TMEM132D: variants seen among roughly 807,000 people sequenced by gnomAD.
TMEM132D encodes mature OL transmembrane protein.
A neutral mutation model predicts 62.3 loss-of-function variants in TMEM132D; 21 were observed. The ratio of observed to expected loss-of-function variants is 0.34; its 90% CI spans 0.24 to 0.49. The LOEUF is 0.49. Ranked by LOEUF, TMEM132D falls within the 20% of genes least tolerant of loss-of-function variation. The probability of loss-of-function intolerance (pLI) is 0.99; values close to 1 mark genes in which losing one functional copy is unlikely to be tolerated. For missense variants in TMEM132D, 1,346 were observed against 1,402.8 expected (o/e 0.96, Z 0.65); for synonymous variants, 621 against 575.6 (o/e 1.08, Z -1.13).
chr12:129,469,695 T>C (rs1200383667), intron 3 of TMEM132D, among the ~76,000 whole-genome samples: 4 of 152,208 alleles, frequency 2.6e-5, no homozygotes, highest in Non-Finnish European at 5.9e-5. Context: ...CTCCCTCTTT[T>C]ATAAGGGAAA....
intron 2 of TMEM132D, among the ~76,000 whole-genome samples, chr12:129,531,959 G>A (rs1195772101): frequency 1.3e-5 from 2 of 152,152 alleles, no homozygotes; most frequent in Admixed American, 1.3e-4. Context: ...GGGAGGCTGA[G>A]GTGGGAGGAT....
intron 1 of TMEM132D, among the ~76,000 whole-genome samples, chr12:129,899,304 C>G (rs11613692): frequency 0.062 from 7,698 of 124,152 alleles, 304 homozygotes; most frequent in Middle Eastern, 0.18. Flanking sequence ...TGGATGCATG[C>G]ATGGATGGAT....
rs145788535 is a variant in TMEM132D at position 129,131,530 on chromosome 12, G to A, written c.1444-46828C>T. 3.0e-3 allele frequency among the ~76,000 whole-genome samples: 460 copies of A among 152,136 alleles called. 2 individuals are homozygous for A. The highest frequency in any genetic ancestry group is 3.0e-3 in the Non-Finnish European group (201 of 67,968). ...GCTGAGGCAGGAGAATCGCTTGAACGCAGGAGGTGGAGGTTGCAGTGAGCC... is the reference window on the plus strand; with the variant it reads ...GCTGAGGCAGGAGAATCGCTTGAACACAGGAGGTGGAGGTTGCAGTGAGCC... On this transcript the variant is annotated intron_variant, in intron 5 of 8. Coordinates refer to ENST00000422113, the MANE Select transcript of TMEM132D (RefSeq NM_133448.3).
At chr12:129,599,151 G>C (rs1429909971) in intron 2 of TMEM132D, among the ~76,000 whole-genome samples, 1 of 152,160 alleles carries the variant, frequency 6.6e-6, no homozygotes, top group African/African-American at 2.4e-5. Flanking sequence ...ATAATTTATG[G>C]CTGTGGCTCT....
chr12:129,078,447 G>A (rs1874348335), intron 8 of TMEM132D, 87 bp downstream of exon 8: 1 of 1,371,816 alleles, frequency 7.3e-7, no homozygotes, highest in African/African-American at 1.4e-5. Context: ...ACTCTATTGT[G>A]CGACCCGCCT....
At chr12:129,405,228 G>A (rs2135702498) in intron 3 of TMEM132D, among the ~76,000 whole-genome samples, 1 of 151,996 alleles carries the variant, frequency 6.6e-6, no homozygotes, top group Admixed American at 6.5e-5. Context: ...CTCTCTTACT[G>A]GCCTGCGGAC....
intron 5 of TMEM132D, among the ~76,000 whole-genome samples, chr12:129,149,044 G>A (rs1876997653): frequency 6.6e-6 from 1 of 151,796 alleles, no homozygotes; most frequent in African/African-American, 2.4e-5. Flanking sequence ...ATACTATGCA[G>A]CCATAAGAAA....
intron 5 of TMEM132D, among the ~76,000 whole-genome samples, chr12:129,171,738 C>A (rs755092223): frequency 9.8e-5 from 15 of 152,294 alleles, no homozygotes; most frequent in Non-Finnish European, 1.9e-4. Flanking sequence ...TGAAAGAAAT[C>A]TTTTCTTCTG....
chr12:129,609,227 G>A (rs192304407), intron 2 of TMEM132D, among the ~76,000 whole-genome samples: 6 of 152,244 alleles, frequency 3.9e-5, no homozygotes, highest in African/African-American at 1.4e-4. Context: ...TTACAGGAGT[G>A]AGCCACCATG....
intron 3 of TMEM132D, among the ~76,000 whole-genome samples, chr12:129,474,772 G>A (rs1874210801): frequency 6.6e-6 from 1 of 152,142 alleles, no homozygotes; most frequent in Non-Finnish European, 1.5e-5. Flanking sequence ...CACTCATCTT[G>A]TCCAATTCTG....
intron 2 of TMEM132D, among the ~76,000 whole-genome samples, chr12:129,665,758 T>G (rs191490922): frequency 6.6e-6 from 1 of 152,310 alleles, no homozygotes; most frequent in Admixed American, 6.5e-5. Flanking sequence ...AACATGTATT[T>G]TATATACAGT....
intron 3 of TMEM132D, among the ~76,000 whole-genome samples, chr12:129,357,628 CA>C (rs961962877): frequency 6.6e-6 from 1 of 151,488 alleles, no homozygotes; most frequent in African/African-American, 2.4e-5. Flanking sequence ...AGTGAAGTGG[CA>C]AGGAGTTTGT....
chr12:129,473,863 T>C (rs768364203), intron 3 of TMEM132D, among the ~76,000 whole-genome samples: 48 of 152,226 alleles, frequency 3.2e-4, no homozygotes, highest in Admixed American at 1.3e-3. Flanking sequence ...AAACACCTGG[T>C]ACATAGTAGA....
chr12:129,450,066 T>C (rs1873226787), intron 3 of TMEM132D, among the ~76,000 whole-genome samples: 1 of 152,216 alleles, frequency 6.6e-6, no homozygotes, highest in African/African-American at 2.4e-5. Flanking sequence ...TGCACGGGTT[T>C]TTTTCTCGTA....
chr12:129,297,007 G>A (rs1881595673), intron 4 of TMEM132D, among the ~76,000 whole-genome samples: 1 of 152,174 alleles, frequency 6.6e-6, no homozygotes, highest in African/African-American at 2.4e-5. Context: ...GCTCTGCAGG[G>A]TGCTAATTCC....
Position 129,654,710 on chromosome 12 carries a change from G to T in TMEM132D, c.968+45100C>A, listed in dbSNP as rs145297840. ...TGCTGAAAGTACACAACCTCCCAAGGCCAGTGGATAAATGCTGTTCTCTGG... is the reference window on the plus strand; with the variant it reads ...TGCTGAAAGTACACAACCTCCCAAGTCCAGTGGATAAATGCTGTTCTCTGG... On this transcript the variant is annotated intron_variant, in intron 2 of 8. Coordinates refer to ENST00000422113, the MANE Select transcript of TMEM132D (RefSeq NM_133448.3). Among the ~76,000 whole-genome samples the T allele has an allele frequency of 3.7e-3, 556 of 152,180 alleles. 12 individuals are homozygous for T. Among genetic ancestry groups the T allele is most frequent in the East Asian group, 0.016 (81 of 5,152 alleles).
chr12:129,324,281 A>G (rs1868822817), intron 4 of TMEM132D, among the ~76,000 whole-genome samples: 4 of 152,204 alleles, frequency 2.6e-5, no homozygotes, highest in Admixed American at 2.6e-4. Flanking sequence ...TCGCATAACC[A>G]AGCGAATCCA....
intron 1 of TMEM132D, among the ~76,000 whole-genome samples, chr12:129,750,818 AGAAGAGAGG>A (rs1869976489): frequency 6.6e-6 from 1 of 152,174 alleles, no homozygotes; most frequent in Non-Finnish European, 1.5e-5. Flanking sequence ...TGAAGTAGCT[AGAAGAGAGG>A]TTTTTGGATG....
intron 5 of TMEM132D, 149 bp downstream of exon 5, chr12:129,209,371 G>A (rs1878956351): frequency 1.0e-6 from 1 of 979,052 alleles, no homozygotes; most frequent in Non-Finnish European, 1.5e-6. Flanking sequence ...AGAATGTCCT[G>A]ATTTAAGTGG....
Sources: allele counts gnomAD v4.1 joint callset (sites outside exome capture counted in the v4.1 genomes callset), GRCh38; gene constraint gnomAD v4.1.1; transcripts MANE v1.5; gene names NCBI Gene and HGNC (gene_info 2026-07-23, HGNC 2026-07-21).